The following CNTNAP2 variants were observed in gnomAD, a reference collection of about 807,000 sequenced individuals.
CNTNAP2 encodes contactin-associated protein-like 2.
CNTNAP2 carries 98 observed loss-of-function variants against 155.2 expected under a neutral mutation model. The observed-to-expected ratio is 0.63, with a 90% confidence interval of 0.54 to 0.75. The LOEUF is 0.75. Ranked by LOEUF, CNTNAP2 falls within the 30% of genes least tolerant of loss-of-function variation. The pLI, the probability that CNTNAP2 is intolerant of heterozygous loss-of-function variation, is 0.00. For synonymous variants in CNTNAP2, 651 were observed against 631.2 expected, an observed-to-expected ratio of 1.03 and a Z score of -0.47; for missense variants, 1,727 against 1,688.1, an observed-to-expected ratio of 1.02 and a Z score of -0.40.
chr7:148,349,755 T>C (rs1798395108), intron 21 of CNTNAP2, among the ~76,000 whole-genome samples: 1 of 152,220 alleles, frequency 6.6e-6, no homozygotes, highest in Admixed American at 6.5e-5. Context: ...AAAGCCATCC[T>C]GGACCGCATA....
chr7:148,071,505 A>G (rs1159884842), intron 15 of CNTNAP2, among the ~76,000 whole-genome samples: 4 of 152,112 alleles, frequency 2.6e-5, no homozygotes, highest in Admixed American at 6.5e-5. Context: ...ACACACACAA[A>G]ATATGGATAA....
At chr7:146,211,395 A>G (rs1401795043) in intron 1 of CNTNAP2, among the ~76,000 whole-genome samples, 1 of 152,212 alleles carries the variant, frequency 6.6e-6, no homozygotes, top group Non-Finnish European at 1.5e-5. Flanking sequence ...TTGATGTAAA[A>G]TCAATTACCA....
chr7:146,945,512 A>G (rs1797148575), intron 3 of CNTNAP2, among the ~76,000 whole-genome samples: 1 of 152,190 alleles, frequency 6.6e-6, no homozygotes, highest in Non-Finnish European at 1.5e-5. Context: ...GGGAGGAGGA[A>G]AAAGGCGCAG....
chr7:147,748,218 C>G (rs1256791010), intron 13 of CNTNAP2, among the ~76,000 whole-genome samples: 1 of 152,118 alleles, frequency 6.6e-6, no homozygotes, highest in East Asian at 1.9e-4. Context: ...AAGAAAGATT[C>G]ATGGGTTAAG....
intron 11 of CNTNAP2, among the ~76,000 whole-genome samples, chr7:147,549,993 C>T (rs1043030489): frequency 1.3e-5 from 2 of 152,048 alleles, no homozygotes; most frequent in African/African-American, 4.8e-5. Flanking sequence ...GAAATTTTCT[C>T]TGAGGGGGGA....
intron 8 of CNTNAP2, among the ~76,000 whole-genome samples, chr7:147,245,156 C>A (rs1026081520): frequency 5.9e-5 from 9 of 152,150 alleles, no homozygotes; most frequent in Non-Finnish European, 1.2e-4. Flanking sequence ...TTATATTGTT[C>A]TTTTTTGCCC....
chr7:148,245,405 C>T (rs1281975076), intron 20 of CNTNAP2, among the ~76,000 whole-genome samples: 1 of 152,206 alleles, frequency 6.6e-6, no homozygotes, highest in Non-Finnish European at 1.5e-5. Context: ...TGCAGTTCGC[C>T]TCCAGGAAAT....
At chr7:148,066,332 T>C (rs1016414097) in intron 15 of CNTNAP2, among the ~76,000 whole-genome samples, 1 of 152,196 alleles carries the variant, frequency 6.6e-6, no homozygotes, top group Admixed American at 6.5e-5. Flanking sequence ...TCTAGATCTC[T>C]AACAAGGCCA....
At chr7:147,080,960 C>T (rs1800112367) in intron 4 of CNTNAP2, 1 of 151,880 alleles carries the variant, frequency 6.6e-6, no homozygotes, top group African/African-American at 2.4e-5. Context: ...TTTATTTCTC[C>T]TCATATGGTA....
chr7:146,764,239 T>C (rs1802156357), intron 1 of CNTNAP2, among the ~76,000 whole-genome samples: 1 of 152,176 alleles, frequency 6.6e-6, no homozygotes, highest in South Asian at 2.1e-4. Flanking sequence ...TATTGGTTTA[T>C]TAAAAGTTCT....
At chr7:148,073,942 C>T (rs1283871495) in intron 15 of CNTNAP2, among the ~76,000 whole-genome samples, 1 of 152,010 alleles carries the variant, frequency 6.6e-6, no homozygotes, top group Non-Finnish European at 1.5e-5. Context: ...CTTGAATGTG[C>T]TCGGATTTTG....
At chr7:147,999,708 G>A (rs777214900) in intron 15 of CNTNAP2, among the ~76,000 whole-genome samples, 3 of 152,080 alleles carry the variant, frequency 2.0e-5, no homozygotes, top group South Asian at 4.2e-4. Context: ...CTATATGACC[G>A]GTGCCTTATA....
At chr7:147,128,651 A>C (rs1801285972) in intron 6 of CNTNAP2, 42 bp from the exon 7 acceptor site, 2 of 1,611,328 alleles carry the variant, frequency 1.2e-6, no homozygotes, top group Admixed American at 3.3e-5. Context: ...AGTTCATCAT[A>C]ATACAATGTG....
chr7:147,459,146 T>G (rs1018241066), intron 10 of CNTNAP2, among the ~76,000 whole-genome samples: 3 of 152,236 alleles, frequency 2.0e-5, no homozygotes, highest in South Asian at 2.1e-4. Flanking sequence ...ATATGGCTAA[T>G]GCAACTAACT....
chr7:146,484,876 T>G (rs1375624544), intron 1 of CNTNAP2, among the ~76,000 whole-genome samples: 1 of 152,170 alleles, frequency 6.6e-6, no homozygotes, highest in African/African-American at 2.4e-5. Flanking sequence ...TAAGGTATAG[T>G]TTTTAAAATA....
intron 12 of CNTNAP2, among the ~76,000 whole-genome samples, chr7:147,623,086 A>T (rs1383471161): frequency 6.6e-6 from 1 of 152,090 alleles, no homozygotes; most frequent in Non-Finnish European, 1.5e-5. Flanking sequence ...AAACCTGAAG[A>T]TATGAATATC....
chr7:146,143,703 C>T (rs1026572545), intron 1 of CNTNAP2, among the ~76,000 whole-genome samples: 26 of 151,896 alleles, frequency 1.7e-4, no homozygotes, highest in African/African-American at 5.8e-4. Flanking sequence ...GTAATGAATA[C>T]GAACATTTCT....
At chr7:147,399,944 T>C (rs2116464611) in intron 10 of CNTNAP2, among the ~76,000 whole-genome samples, 1 of 152,274 alleles carries the variant, frequency 6.6e-6, no homozygotes, top group African/African-American at 2.4e-5. Flanking sequence ...AACCTTCAGT[T>C]TCCAAAACAT....
At chr7:147,387,733 A>T (rs1796646439) in intron 9 of CNTNAP2, among the ~76,000 whole-genome samples, 1 of 152,182 alleles carries the variant, frequency 6.6e-6, no homozygotes, top group Non-Finnish European at 1.5e-5. Context: ...TTGTTATTTT[A>T]AAATATACGA....
Sources: gnomAD v4.1 joint callset for allele counts (sites outside exome capture counted in the v4.1 genomes callset) on GRCh38, gnomAD v4.1.1 for gene constraint, MANE v1.5 for transcripts, NCBI Gene and HGNC (gene_info 2026-07-23, HGNC 2026-07-21) for gene names.